RBFOX1: variants seen among roughly 807,000 people sequenced by gnomAD.
RBFOX1 encodes RNA binding protein fox-1 homolog 1.
RBFOX1 carries 8 observed loss-of-function variants against 57.7 expected under a neutral mutation model. The ratio of observed to expected loss-of-function variants is 0.14; its 90% CI spans 0.08 to 0.25. The LOEUF (loss-of-function observed/expected upper bound fraction) is 0.25. Ranked by LOEUF, RBFOX1 falls within the 10% of genes least tolerant of loss-of-function variation. The pLI is 1.00. For synonymous variants in RBFOX1, 326 were observed against 222.4 expected (o/e 1.47, Z -4.15); for missense variants, 611 against 548.5 (o/e 1.11, Z -1.14).
At chr16:6,468,501 T>C (rs746031110) in intron 2 of RBFOX1, among the ~76,000 whole-genome samples, 1 of 152,204 alleles carries the variant, frequency 6.6e-6, no homozygotes, top group Non-Finnish European at 1.5e-5. Context: ...TTATGAGTGA[T>C]GCATCATTGT....
intron 4 of RBFOX1, among the ~76,000 whole-genome samples, chr16:7,274,579 G>A (rs1292983598): frequency 6.6e-6 from 1 of 152,096 alleles, no homozygotes; most frequent in East Asian, 1.9e-4. Context: ...CTTCTCTCTG[G>A]AACTAGGTCT....
At chr16:6,528,142 A>T (rs1405238146) in intron 2 of RBFOX1, among the ~76,000 whole-genome samples, 1 of 151,924 alleles carries the variant, frequency 6.6e-6, no homozygotes, top group African/African-American at 2.4e-5. Flanking sequence ...TTTTACCTAA[A>T]CCTTGATTCT....
intron 2 of RBFOX1, among the ~76,000 whole-genome samples, 173 bp from the exon 3 acceptor site, chr16:6,654,430 A>T (rs373487798): frequency 2.4e-4 from 36 of 152,314 alleles, no homozygotes; most frequent in African/African-American, 8.7e-4. Context: ...CAAACACCGC[A>T]GTATGTACCT....
At chr16:5,759,764 C>G (rs982605241) in intron 3 of RBFOX1, among the ~76,000 whole-genome samples, 3 of 151,002 alleles carry the variant, frequency 2.0e-5, no homozygotes, top group South Asian at 2.1e-4. Context: ...TCTGATCTCC[C>G]TGATCCTGTA....
chr16:5,928,482 G>C (rs912534907), intron 4 of RBFOX1, among the ~76,000 whole-genome samples: 2 of 151,772 alleles, frequency 1.3e-5, no homozygotes, highest in Non-Finnish European at 2.9e-5. Context: ...ACAATGTATG[G>C]ATGTATCAAA....
intron 2 of RBFOX1, among the ~76,000 whole-genome samples, chr16:6,368,568 T>A (rs1373254050): frequency 6.6e-6 from 1 of 152,266 alleles, no homozygotes; most frequent in East Asian, 1.9e-4. Flanking sequence ...GTAATTCTTC[T>A]GCTCTATGAT....
chr16:6,029,785 A>AAT (rs1168567824), intron 1 of RBFOX1, among the ~76,000 whole-genome samples: 1 of 151,806 alleles, frequency 6.6e-6, no homozygotes, highest in Non-Finnish European at 1.5e-5. Flanking sequence ...AAAAAAAAAA[A>AAT]AAAAAAGGGG....
At chr16:5,927,083 C>T (rs558285902) in intron 4 of RBFOX1, among the ~76,000 whole-genome samples, 1 of 152,272 alleles carries the variant, frequency 6.6e-6, no homozygotes, top group Non-Finnish European at 1.5e-5. Context: ...TATACCCTAG[C>T]TCTGTGATTC....
chr16:7,416,086 C>G (rs1003876101), intron 4 of RBFOX1, among the ~76,000 whole-genome samples: 1 of 152,094 alleles, frequency 6.6e-6, no homozygotes, highest in African/African-American at 2.4e-5. Context: ...TATTAAACCT[C>G]CAGCCCCCCA....
At chr16:5,998,906 T>C (rs1453075562) in intron 4 of RBFOX1, among the ~76,000 whole-genome samples, 1 of 152,220 alleles carries the variant, frequency 6.6e-6, no homozygotes, top group Non-Finnish European at 1.5e-5. Flanking sequence ...GGATTTTTTC[T>C]AATTTTTTAA....
intron 4 of RBFOX1, among the ~76,000 whole-genome samples, chr16:7,227,881 T>C (rs996666496): frequency 6.6e-6 from 1 of 152,196 alleles, no homozygotes; most frequent in African/African-American, 2.4e-5. Flanking sequence ...GCTTTAATGA[T>C]ATTAGCTCAC....
At chr16:6,157,038 G>A (rs936792229) in intron 1 of RBFOX1, among the ~76,000 whole-genome samples, 51 of 152,044 alleles carry the variant, frequency 3.4e-4, no homozygotes, top group African/African-American at 1.2e-3. Flanking sequence ...GTCTTGCTAT[G>A]TTGCCTAGGC....
intron 1 of RBFOX1, among the ~76,000 whole-genome samples, chr16:5,319,093 C>T (rs528499571): frequency 1.7e-4 from 26 of 152,298 alleles, no homozygotes; most frequent in African/African-American, 6.3e-4. Context: ...CGCCACTGCA[C>T]TCCAGCCTGG....
At chr16:7,028,042 C>A (rs916224714) in intron 3 of RBFOX1, among the ~76,000 whole-genome samples, 4 of 152,038 alleles carry the variant, frequency 2.6e-5, no homozygotes, top group African/African-American at 9.7e-5. Context: ...TATTTAATCT[C>A]CAGCACAGAA....
At chr16:7,520,694 G>T (rs1394893940) in intron 5 of RBFOX1, among the ~76,000 whole-genome samples, 2 of 152,180 alleles carry the variant, frequency 1.3e-5, no homozygotes, top group Non-Finnish European at 2.9e-5. Flanking sequence ...GAGTTTGCTG[G>T]TTCAGCAGGT....
At position 7,650,412 on chromosome 16, in the gene RBFOX1, A is replaced by G. The variant is rs561005025; in HGVS notation, c.758-3403A>G. Among the ~76,000 whole-genome samples, 73 of 152,078 alleles carry G rather than the reference A, an allele frequency of 4.8e-4. 1 individual carries two copies. Among genetic ancestry groups the G allele is most frequent in the South Asian group, 1.0e-3 (5 of 4,810 alleles). Reference sequence around the variant, plus strand: ...GTCCTTCCTGTGTTCTTTTCACAAAATAAGAAGTCCCCCAATGTGCCCTGC... The same window carrying G: ...GTCCTTCCTGTGTTCTTTTCACAAAGTAAGAAGTCCCCCAATGTGCCCTGC... On this transcript the variant is annotated intron_variant, in intron 11 of 15. Coordinates refer to ENST00000550418, the MANE Select transcript of RBFOX1 (RefSeq NM_018723.4).
Position 7,427,752 on chromosome 16 carries a change from C to G in RBFOX1, c.28-90395C>G, listed in dbSNP as rs2098635783. Among the ~76,000 whole-genome samples the G allele has an allele frequency of 2.0e-5, 3 of 151,984 alleles. No individual in the cohort carries two copies. In the South Asian group the frequency reaches 6.2e-4, roughly 32 times the overall value. Reference sequence around the variant, plus strand: ...CACTGCAAACTCCACCTCCCGGGTTCTAGTGATTCTTGTGCCTCAGCCTCC... The same window carrying G: ...CACTGCAAACTCCACCTCCCGGGTTGTAGTGATTCTTGTGCCTCAGCCTCC... On this transcript the variant is annotated intron_variant, in intron 4 of 15. Transcript: ENST00000550418.
Position 7,294,110 on chromosome 16 carries a change from G to C in RBFOX1, c.28-224037G>C, listed in dbSNP as rs149815849. Among the ~76,000 whole-genome samples the C allele has an allele frequency of 9.3e-4, 142 of 152,304 alleles. 1 individual carries two copies. Among genetic ancestry groups the C allele is most frequent in the African/African-American group, 3.3e-3 (137 of 41,574 alleles). ...TTTGTTTGCCTTCAGGTTTGCTTGA[G>C]TTTAATCCAGAAGTCGAAACACAGA... On this transcript the variant is annotated intron_variant, in intron 4 of 15. Transcript: ENST00000550418.
intron 3 of RBFOX1, among the ~76,000 whole-genome samples, chr16:6,826,127 A>G (rs1456611791): frequency 2.0e-5 from 3 of 152,038 alleles, no homozygotes; most frequent in African/African-American, 4.8e-5. Flanking sequence ...ATGCCGTCTC[A>G]CTTCTCCCTA....
Sources: allele counts gnomAD v4.1 joint callset (sites outside exome capture counted in the v4.1 genomes callset), GRCh38; gene constraint gnomAD v4.1.1; transcripts MANE v1.5; gene names NCBI Gene and HGNC (gene_info 2026-07-23, HGNC 2026-07-21).